ELP4: variants seen among roughly 807,000 people sequenced by gnomAD.
The protein encoded by ELP4 is elongator acetyltransferase complex subunit 4, also known as elongator complex protein 4.
Under a neutral mutation model 48.9 loss-of-function variants are expected in ELP4, and 51 were observed. The ratio of observed to expected loss-of-function variants is 1.04; its 90% CI spans 0.83 to 1.32. ELP4 has a LOEUF of 1.32. Among genes scored for constraint, ELP4 ranks in the 40% most tolerant of loss-of-function variants. The probability of loss-of-function intolerance (pLI) is 0.00; values close to 1 mark genes in which losing one functional copy is unlikely to be tolerated. For synonymous variants in ELP4, 210 were observed against 189.2 expected, an observed-to-expected ratio of 1.11 and a Z score of -0.90; for missense variants, 519 against 514.6, an observed-to-expected ratio of 1.01 and a Z score of -0.08.
chr11:31,718,702 G>GTCAC (rs1308326829), intron 9 of ELP4, among the ~76,000 whole-genome samples: 1 of 152,182 alleles, frequency 6.6e-6, no homozygotes, highest in Non-Finnish European at 1.5e-5. Context: ...ACACATGGTG[G>GTCAC]TCACTTCTTA....
intron 9 of ELP4, among the ~76,000 whole-genome samples, chr11:31,766,076 A>T (rs898804512): frequency 2.6e-5 from 4 of 152,050 alleles, no homozygotes; most frequent in Non-Finnish European, 5.9e-5. Flanking sequence ...TCTATTTTTT[A>T]AAGTCTTTAA....
At chr11:31,705,503 G>C (rs974105356) in intron 9 of ELP4, among the ~76,000 whole-genome samples, 5 of 152,110 alleles carry the variant, frequency 3.3e-5, no homozygotes, top group Admixed American at 6.5e-5. Flanking sequence ...TTTGGATTGC[G>C]ACAAACACAG....
At chr11:31,763,878 C>T (rs930474795) in intron 9 of ELP4, among the ~76,000 whole-genome samples, 3 of 151,686 alleles carry the variant, frequency 2.0e-5, no homozygotes, top group Non-Finnish European at 4.4e-5. Context: ...CACAGGTAGC[C>T]CATGGGGCTT....
chr11:31,582,061 A>G (rs545265747), intron 3 of ELP4, among the ~76,000 whole-genome samples: 133 of 152,208 alleles, frequency 8.7e-4, no homozygotes, highest in Non-Finnish European at 1.7e-3. Context: ...GCCATTTTCT[A>G]TGTCTTTAGA....
chr11:31,580,330 C>T (rs1017168523), intron 3 of ELP4, among the ~76,000 whole-genome samples: 6 of 152,152 alleles, frequency 3.9e-5, no homozygotes, highest in African/African-American at 1.4e-4. Context: ...TAACTTAATA[C>T]TGTGAAATAG....
intron 9 of ELP4, among the ~76,000 whole-genome samples, chr11:31,674,651 T>A (rs1424856538): frequency 1.3e-5 from 2 of 152,224 alleles, no homozygotes; most frequent in Non-Finnish European, 2.9e-5. Context: ...TTCTTAATTT[T>A]ACCAGTTGTA....
At chr11:31,763,471 T>C (rs1377222680) in intron 9 of ELP4, 1 of 1,611,154 alleles carries the variant, frequency 6.2e-7, no homozygotes, top group Non-Finnish European at 8.5e-7. Flanking sequence ...CTTCTCATAC[T>C]TACTCAAGCA....
At chr11:31,537,814 A>C (rs1956525834) in intron 2 of ELP4, among the ~76,000 whole-genome samples, 1 of 152,162 alleles carries the variant, frequency 6.6e-6, no homozygotes, top group South Asian at 2.1e-4. Context: ...ATTTGACATG[A>C]GATTTGGGCA....
At chr11:31,705,121 G>A (rs1453379547) in intron 9 of ELP4, among the ~76,000 whole-genome samples, 1 of 152,096 alleles carries the variant, frequency 6.6e-6, no homozygotes, top group East Asian at 1.9e-4. Context: ...CCAGAAACTG[G>A]GTAATTTATA....
At chr11:31,512,076 T>G (rs1677689709) in intron 1 of ELP4, 1 of 152,194 alleles carries the variant, frequency 6.6e-6, no homozygotes, top group Admixed American at 6.5e-5. Flanking sequence ...CTTAATGACA[T>G]TTTTGTATCT....
chr11:31,657,935 C>A (rs991338570), intron 9 of ELP4, among the ~76,000 whole-genome samples: 5 of 151,948 alleles, frequency 3.3e-5, no homozygotes, highest in African/African-American at 1.2e-4. Flanking sequence ...ATTTCATAGA[C>A]CTTACAACTA....
intron 2 of ELP4, 21 bp from the exon 3 acceptor site, chr11:31,539,641 T>G: frequency 6.3e-7 from 1 of 1,588,194 alleles, no homozygotes; most frequent in Non-Finnish European, 8.6e-7. Flanking sequence ...TGTTTCTAAC[T>G]GCAACTTTTC....
rs544935153 is a variant in ELP4, at chr11:31,673,704, T to C, written c.1143+23483T>C. Among the ~76,000 whole-genome samples the C allele has an allele frequency of 4.9e-4, 75 of 152,324 alleles. No homozygotes were observed. The South Asian group carries it at 0.014, about 29-fold the overall frequency. ...TCATAGTCCCATTATCAGTTATCTA[T>C]CATAAGCTCCACAATTTTAATTGTT... On this transcript the variant is annotated intron_variant, in intron 9 of 9. Transcript: ENST00000640961.
At chr11:31,515,001 A>C (rs867748750) in intron 1 of ELP4, among the ~76,000 whole-genome samples, 1 of 131,938 alleles carries the variant, frequency 7.6e-6, no homozygotes, top group Non-Finnish European at 1.6e-5. Context: ...TGCTGTATGC[A>C]TGTGTGTGTG....
chr11:31,712,033 T>C (rs184543723), intron 9 of ELP4, among the ~76,000 whole-genome samples: 2 of 152,062 alleles, frequency 1.3e-5, no homozygotes, highest in Non-Finnish European at 2.9e-5. Flanking sequence ...TGAGCTCATG[T>C]TGATTCTCAT....
intron 9 of ELP4, among the ~76,000 whole-genome samples, chr11:31,724,490 T>G (rs942579561): frequency 6.6e-6 from 1 of 152,236 alleles, no homozygotes; most frequent in African/African-American, 2.4e-5. Context: ...ATAGAAGAAT[T>G]TAAAGATAAT....
intron 9 of ELP4, among the ~76,000 whole-genome samples, chr11:31,691,622 A>T (rs1436374367): frequency 1.3e-5 from 2 of 152,144 alleles, no homozygotes; most frequent in Non-Finnish European, 2.9e-5. Context: ...GAATTGCCTT[A>T]CTGGCAGTGG....
intron 2 of ELP4, among the ~76,000 whole-genome samples, chr11:31,529,250 A>G (rs1245116883): frequency 2.0e-5 from 3 of 152,120 alleles, no homozygotes; most frequent in Non-Finnish European, 4.4e-5. Flanking sequence ...AGTACCCTAG[A>G]ATTGGTGAGT....
In ELP4 at chr11:31,772,231, A is replaced by G. The variant is rs536454540; in HGVS notation, c.1144-11162A>G. On this transcript the variant is annotated intron_variant, in intron 9 of 9. Transcript: ENST00000640961. ...ACATCCCGGGTTCAAGCGGTTCTCC[A>G]ATTCTCATGCCTCAGTCTCCTGAGT... 1.9e-4 allele frequency among the ~76,000 whole-genome samples: 28 copies of G among 150,416 alleles called. No individual in the cohort carries two copies. The South Asian group carries it at 2.7e-3, about 15-fold the overall frequency.
Sources: allele counts gnomAD v4.1 joint callset (sites outside exome capture counted in the v4.1 genomes callset), GRCh38; gene constraint gnomAD v4.1.1; transcripts MANE v1.5; gene names NCBI Gene and HGNC (gene_info 2026-07-23, HGNC 2026-07-21).